The following ARMC10 variants were observed in gnomAD, a reference collection of about 807,000 sequenced individuals.
The protein encoded by ARMC10 is armadillo repeat-containing protein 10.
Under a neutral mutation model 30.2 loss-of-function variants are expected in ARMC10, and 23 were observed. The ratio of observed to expected loss-of-function variants is 0.76; its 90% CI spans 0.55 to 1.08. The LOEUF is 1.08. Ranked by LOEUF, ARMC10 falls within the 50% of genes least tolerant of loss-of-function variation. The probability of loss-of-function intolerance (pLI) is 0.00; values close to 1 mark genes in which losing one functional copy is unlikely to be tolerated. For synonymous variants in ARMC10, 111 were observed against 164.4 expected (o/e 0.68, Z 2.48); for missense variants, 303 against 413.7 (o/e 0.73, Z 2.32).
intron 2 of ARMC10, among the ~76,000 whole-genome samples, chr7:103,077,172 T>A (rs1799963208): frequency 6.6e-6 from 1 of 152,226 alleles, no homozygotes; most frequent in East Asian, 1.9e-4. Flanking sequence ...ATTACAGGAT[T>A]GAGCCTCCTC....
chr7:103,084,183 C>A, intron 3 of ARMC10: 1 of 481,104 alleles, frequency 2.1e-6, no homozygotes, highest in Non-Finnish European at 3.4e-6. Flanking sequence ...AATTGTATAT[C>A]GGTCTTATGA....
chr7:103,084,076 A>C, intron 3 of ARMC10: 1 of 1,452,276 alleles, frequency 6.9e-7, no homozygotes. Flanking sequence ...AGTATATCTA[A>C]TCAACGTTTA....
rs1399393993 is a variant in ARMC10 at position 103,099,371 on chromosome 7, C to T, written c.*818C>T. On this transcript the variant is annotated 3_prime_UTR_variant, in exon 7 of 7. Transcript: ENST00000323716. ...CTGTAATCCCAGCTACTTGGGAGGCCGAGGCAGGAGAATTGCTTGAACCCG... is the reference window on the plus strand; with the variant it reads ...CTGTAATCCCAGCTACTTGGGAGGCTGAGGCAGGAGAATTGCTTGAACCCG... The T allele has an allele frequency of 1.6e-5, 2 of 123,384 alleles. No homozygotes were observed. Among genetic ancestry groups the T allele is most frequent in the African/African-American group, 2.8e-5 (1 of 35,912 alleles). The allele number at this position is 123,384 out of a possible 1,614,324, so 7.6% of individuals were successfully genotyped here. A position where few individuals can be genotyped will look rare whatever the true frequency, so the allele number is the denominator to read the frequency against.
chr7:103,088,743 T>C (rs568405159), intron 4 of ARMC10: 1 of 191,204 alleles, frequency 5.2e-6, no homozygotes, highest in African/African-American at 2.4e-5. Flanking sequence ...CTCTCCAACA[T>C]ATAGTGAGAA....
chr7:103,095,136 T>G (rs1182289743), intron 5 of ARMC10, among the ~76,000 whole-genome samples: 1 of 152,266 alleles, frequency 6.6e-6, no homozygotes, highest in Non-Finnish European at 1.5e-5. Context: ...AATCTCACTC[T>G]GTTGCCCAGG....
chr7:103,090,385 G>A (rs924866697), intron 4 of ARMC10, among the ~76,000 whole-genome samples: 1 of 152,222 alleles, frequency 6.6e-6, no homozygotes, highest in Non-Finnish European at 1.5e-5. Context: ...ATTAGGGCCA[G>A]GCGTGGTGGC....
intron 4 of ARMC10, chr7:103,089,239 G>A: frequency 4.0e-6 from 1 of 248,306 alleles, no homozygotes; most frequent in African/African-American, 2.2e-5. Context: ...AGCTCGATAT[G>A]CAGTAAGATA....
At chr7:103,075,997 C>T (rs539637448) in intron 2 of ARMC10, 116 bp downstream of exon 2, 2 of 616,344 alleles carry the variant, frequency 3.2e-6, no homozygotes, top group Admixed American at 7.7e-5. Context: ...CCTCCAAAGG[C>T]ATGTTTCACA....
chr7:103,081,534 G>A (rs1038731823), intron 2 of ARMC10, among the ~76,000 whole-genome samples: 4 of 152,092 alleles, frequency 2.6e-5, no homozygotes, highest in South Asian at 2.1e-4. Flanking sequence ...CACCACGCCT[G>A]GCTAATTTTT....
At position 103,086,482 on chromosome 7, in the gene ARMC10, T is replaced by A. The variant is rs536898693; in HGVS notation, c.394-148T>A. On this transcript the variant is annotated intron_variant, in intron 3 of 6. Transcript: ENST00000323716. ...AAAAGTATGGGTAGTGAGATTTTTTTAAAATATGAATTAAATATTTGTATA... is the reference window on the plus strand; with the variant it reads ...AAAAGTATGGGTAGTGAGATTTTTTAAAAATATGAATTAAATATTTGTATA... The A allele has an allele frequency of 2.9e-4, 240 of 831,208 alleles. 1 individual carries two copies. The highest frequency in any genetic ancestry group is 1.1e-3 in the Middle Eastern group (3 of 2,636). 51.5% of individuals were successfully genotyped at this position (831,208 alleles called of 1,614,324 possible).
At chr7:103,092,945 T>C (rs980758690) in intron 5 of ARMC10, among the ~76,000 whole-genome samples, 1 of 152,216 alleles carries the variant, frequency 6.6e-6, no homozygotes, top group East Asian at 1.9e-4. Flanking sequence ...TAGTGGTTAG[T>C]TGAATATTTT....
chr7:103,091,718 C>T (rs370012223), intron 4 of ARMC10, among the ~76,000 whole-genome samples: 11 of 152,178 alleles, frequency 7.2e-5, no homozygotes, highest in South Asian at 4.1e-4. Context: ...TCCCAGTGTG[C>T]GCAGACCGCA....
At chr7:103,078,098 C>T (rs1800054259) in intron 2 of ARMC10, among the ~76,000 whole-genome samples, 3 of 152,036 alleles carry the variant, frequency 2.0e-5, no homozygotes, top group African/African-American at 7.3e-5. Context: ...TGGGTTCAAG[C>T]GATTCTCTTG....
chr7:103,092,754 C>T (rs1053037106), intron 5 of ARMC10, 101 bp downstream of exon 5: 6 of 799,064 alleles, frequency 7.5e-6, no homozygotes, highest in Non-Finnish European at 1.1e-5. Context: ...TTATTAAAAA[C>T]TCACATGGGC....
chr7:103,075,821 T>TCGGCC lies in ARMC10; in HGVS notation c.190_194dup (p.Gln66GlyfsTer21). Reference sequence around the variant, plus strand: ...GTCAGAGGGTCAGTTGTGCGGGCGCTCGGCCCGGCCTCAGACGGGAGGTAC... The same window carrying TCGGCC: ...GTCAGAGGGTCAGTTGTGCGGGCGCTCGGCCCGGCCCGGCCTCAGACGGGAGGTAC... On this transcript the variant is annotated frameshift_variant, in exon 2 of 7. Coordinates refer to ENST00000323716, the MANE Select transcript of ARMC10 (RefSeq NM_031905.5). LOFTEE classifies it high-confidence loss of function. The TCGGCC allele has an allele frequency of 6.2e-7, 1 of 1,611,302 alleles. No individual in the cohort carries two copies. Among genetic ancestry groups the TCGGCC allele is most frequent in the Non-Finnish European group, 8.5e-7 (1 of 1,178,886 alleles).
intron 2 of ARMC10, 50 bp downstream of exon 2, chr7:103,075,931 C>A: frequency 7.4e-7 from 1 of 1,353,562 alleles, no homozygotes; most frequent in Non-Finnish European, 1.0e-6. Context: ...CACACCCTCC[C>A]AGCGGACAAA....
intron 4 of ARMC10, among the ~76,000 whole-genome samples, chr7:103,087,337 AT>A (rs1800948192): frequency 1.3e-5 from 2 of 152,196 alleles, no homozygotes; most frequent in East Asian, 3.8e-4. Context: ...ATCTTGTTGT[AT>A]GGGGAGAAAT....
chr7:103,096,647 G>T, intron 5 of ARMC10: 1 of 152,854 alleles, frequency 6.5e-6, no homozygotes, highest in South Asian at 1.9e-4. Context: ...GCTGTTCACA[G>T]GCACAATCAT....
Position 103,085,509 on chromosome 7 carries a change from A to G in ARMC10, c.394-1121A>G, listed in dbSNP as rs75641316. 4.9e-3 allele frequency among the ~76,000 whole-genome samples: 746 copies of G among 152,148 alleles called. 6 individuals are homozygous for G. The highest frequency in any genetic ancestry group is 0.017 in the African/African-American group (706 of 41,496). Reference sequence around the variant, plus strand: ...GAATTAAAGCGATTTAATTCTTTCAATGTTTGAGCCAAAAGCACATGGTAA... The same window carrying G: ...GAATTAAAGCGATTTAATTCTTTCAGTGTTTGAGCCAAAAGCACATGGTAA... On this transcript the variant is annotated intron_variant, in intron 3 of 6. Coordinates refer to ENST00000323716, the MANE Select transcript of ARMC10 (RefSeq NM_031905.5).
Sources: gnomAD v4.1 joint callset for allele counts (sites outside exome capture counted in the v4.1 genomes callset) on GRCh38, gnomAD v4.1.1 for gene constraint, MANE v1.5 for transcripts, NCBI Gene and HGNC (gene_info 2026-07-23, HGNC 2026-07-21) for gene names.